Variants in GLIS3 observed in about 807,000 individuals in gnomAD.
GLIS3 encodes GLIS family zinc finger 3, also known as zinc finger protein GLIS3.
A neutral mutation model predicts 78.6 loss-of-function variants in GLIS3; 53 were observed. The observed-to-expected ratio is 0.67, with a 90% CI of 0.54 to 0.85. GLIS3 has a LOEUF of 0.85. Among genes scored for constraint, GLIS3 ranks in the 40% least tolerant of loss-of-function variants. The pLI, the probability that GLIS3 is intolerant of heterozygous loss-of-function variation, is 0.00. For synonymous variants in GLIS3, 684 were observed against 509.9 expected (o/e 1.34, Z -4.60); for missense variants, 1,703 against 1,231.1 (o/e 1.38, Z -5.74).
chr9:4,454,422 C>T, the GLIS3 span, among the ~76,000 whole-genome samples: 18 of 152,152 alleles, frequency 1.2e-4, no homozygotes, highest in Admixed American at 4.6e-4. Context: ...TCTAATTTTA[C>T]AGATGAGAAA....
Position 3,991,941 on chromosome 9 carries a change from C to A in GLIS3, c.1711-54752G>T, listed in dbSNP as rs973067419. Among the ~76,000 whole-genome samples, 8 of 152,254 alleles carry A rather than the reference C, an allele frequency of 5.3e-5. No individual in the cohort carries two copies. The East Asian group carries it at 5.8e-4, about 11-fold the overall frequency. On this transcript the variant is annotated intron_variant, in intron 4 of 10. Coordinates refer to ENST00000381971, the MANE Select transcript of GLIS3 (RefSeq NM_001042413.2). ...TCCTGACTTCGTGATCCGCCCGCCT[C>A]GGCCTCCCAAAGTGCTGGGATTACA... is the stretch of plus-strand genomic sequence containing the variant.
chr9:4,143,545 C>T (rs909772511), intron 2 of GLIS3, among the ~76,000 whole-genome samples: 3 of 149,992 alleles, frequency 2.0e-5, no homozygotes, highest in Middle Eastern at 3.4e-3. Context: ...CCAGCCTGGG[C>T]GACAGAGCAA....
the GLIS3 span, among the ~76,000 whole-genome samples, chr9:4,473,385 G>T: frequency 2.0e-5 from 3 of 148,706 alleles, no homozygotes; most frequent in Non-Finnish European, 4.4e-5. Flanking sequence ...GGCAGAGGTT[G>T]CAGTGAGCCA....
intron 2 of GLIS3, among the ~76,000 whole-genome samples, chr9:4,284,031 C>T (rs1353481134): frequency 6.6e-6 from 1 of 152,172 alleles, no homozygotes; most frequent in Non-Finnish European, 1.5e-5. Flanking sequence ...GTGTATCAAC[C>T]CTGAGAATTC....
intron 2 of GLIS3, among the ~76,000 whole-genome samples, chr9:4,157,702 T>C (rs114622216): frequency 6.1e-4 from 93 of 152,314 alleles, no homozygotes; most frequent in African/African-American, 2.2e-3. Flanking sequence ...CTTTAGTGCA[T>C]GCATTACAGG....
intron 4 of GLIS3, among the ~76,000 whole-genome samples, chr9:4,066,500 C>T (rs1588586882): frequency 1.3e-5 from 2 of 152,316 alleles, no homozygotes; most frequent in South Asian, 2.1e-4. Flanking sequence ...TGCTGCAACC[C>T]CACTTCTCTC....
the GLIS3 span, among the ~76,000 whole-genome samples, chr9:4,464,392 ATTTT>A: frequency 2.7e-5 from 4 of 149,868 alleles, no homozygotes; most frequent in Non-Finnish European, 5.9e-5. Flanking sequence ...TATTTTTTTA[ATTTT>A]ATTTATTTAT....
intron 2 of GLIS3, among the ~76,000 whole-genome samples, chr9:4,341,494 G>A (rs949877466): frequency 1.3e-5 from 2 of 152,190 alleles, no homozygotes; most frequent in Non-Finnish European, 2.9e-5. Context: ...GATCCTTAAT[G>A]CTGCCCTATA....
At chr9:4,075,462 G>C (rs1827968150) in intron 4 of GLIS3, among the ~76,000 whole-genome samples, 1 of 148,848 alleles carries the variant, frequency 6.7e-6, no homozygotes, top group Admixed American at 6.8e-5. Context: ...TGTACTCCCA[G>C]CTACTCGGGA....
chr9:4,222,419 C>T (rs1036556166), intron 2 of GLIS3, among the ~76,000 whole-genome samples: 6 of 152,192 alleles, frequency 3.9e-5, no homozygotes, highest in East Asian at 1.9e-4. Flanking sequence ...AGAAAATGGA[C>T]AGGCAAGAAT....
intron 4 of GLIS3, among the ~76,000 whole-genome samples, chr9:3,987,275 C>CA (rs1292119299): frequency 2.0e-5 from 3 of 151,758 alleles, no homozygotes; most frequent in African/African-American, 7.3e-5. Context: ...CCAATTTCAA[C>CA]AAAAAAGGCA....
At chr9:4,189,141 T>C (rs1389172579) in intron 2 of GLIS3, among the ~76,000 whole-genome samples, 1 of 151,182 alleles carries the variant, frequency 6.6e-6, no homozygotes, top group African/African-American at 2.4e-5. Flanking sequence ...TTTAGTGCTA[T>C]AAACTTCCCT....
chr9:4,424,462 G>A, the GLIS3 span, among the ~76,000 whole-genome samples: 82 of 152,306 alleles, frequency 5.4e-4, no homozygotes, highest in African/African-American at 1.8e-3. Context: ...AGTATGACCC[G>A]AGAAAATAAT....
chr9:4,151,884 G>C (rs12344449), intron 2 of GLIS3, among the ~76,000 whole-genome samples: 1 of 152,024 alleles, frequency 6.6e-6, no homozygotes, highest in East Asian at 1.9e-4. Context: ...ATTTGAGGTT[G>C]AGACCCTCAG....
intron 2 of GLIS3, among the ~76,000 whole-genome samples, chr9:4,269,283 C>A (rs1279124676): frequency 6.6e-6 from 1 of 152,094 alleles, no homozygotes; most frequent in Non-Finnish European, 1.5e-5. Flanking sequence ...CCCCTCCCTG[C>A]CCACAGATAT....
rs1365899398 is a variant in GLIS3 at position 4,286,313 on chromosome 9, G to C, written c.113C>G (p.Pro38Arg). The C allele has an allele frequency of 3.7e-6, 6 of 1,614,090 alleles. No individual in the cohort carries two copies. Among genetic ancestry groups the C allele is most frequent in the Non-Finnish European group, 4.2e-6 (5 of 1,180,016 alleles). Residue 38 changes from proline to arginine, a missense_variant, in exon 2 of 11, where the codon CCT (proline) becomes CGT (arginine). Transcript: ENST00000381971. ...IPAIRAHSGTPGPSPCGSTSS... is the reference protein window; with the variant it reads ...IPAIRAHSGTRGPSPCGSTSS... ...TGTGCTGCCACAGGGCGAGGGGCCA[G>C]GAGTCCCGGAGTGGGCTCGGATGGC...
intron 2 of GLIS3, among the ~76,000 whole-genome samples, chr9:4,200,649 A>G (rs563930947): frequency 6.6e-6 from 1 of 152,284 alleles, no homozygotes; most frequent in East Asian, 1.9e-4. Context: ...GAGTTCCAAA[A>G]TTGAATCAGA....
At chr9:4,162,730 A>G (rs1255419648) in intron 2 of GLIS3, among the ~76,000 whole-genome samples, 2 of 151,832 alleles carry the variant, frequency 1.3e-5, no homozygotes, top group African/African-American at 4.8e-5. Context: ...AGTGGCACAC[A>G]CCTGTAATCC....
intron 2 of GLIS3, among the ~76,000 whole-genome samples, chr9:4,232,352 G>C (rs1202172704): frequency 7.5e-6 from 1 of 132,502 alleles, no homozygotes; most frequent in Non-Finnish European, 1.5e-5. Context: ...CTGTACTCAA[G>C]CCTGGGTGAC....
Sources: allele counts gnomAD v4.1 joint callset (sites outside exome capture counted in the v4.1 genomes callset), GRCh38; gene constraint gnomAD v4.1.1; transcripts MANE v1.5; gene names NCBI Gene and HGNC (gene_info 2026-07-23, HGNC 2026-07-21).